Variants in ZNF12 observed in about 807,000 individuals in gnomAD.
ZNF12 encodes the protein gonadotropin inducible transcription repressor 3.
In ZNF12, 34 loss-of-function variants were observed where a neutral mutation model predicts 66.6. The observed-to-expected ratio is 0.51, with a 90% CI of 0.39 to 0.68. The LOEUF (loss-of-function observed/expected upper bound fraction) is 0.68, where lower values mean the gene tolerates loss of function less well. Among genes scored for constraint, ZNF12 ranks in the 30% least tolerant of loss-of-function variants. The pLI is 0.00. For missense variants in ZNF12, 697 were observed against 826.9 expected, an observed-to-expected ratio of 0.84 and a Z score of 1.93; for synonymous variants, 320 against 278.9, an observed-to-expected ratio of 1.15 and a Z score of -1.47.
At chr7:6,699,480 C>T (rs1356592617) in intron 2 of ZNF12, among the ~76,000 whole-genome samples, 5 of 152,194 alleles carry the variant, frequency 3.3e-5, no homozygotes, top group African/African-American at 1.2e-4. Flanking sequence ...AAGTGGGTCC[C>T]ACCCCAGCCA....
chr7:6,692,681 G>T lies in ZNF12; in HGVS notation c.261C>A (p.Asp87Glu). ...CCTCTTCCTGGATTCTCTCTATTAG[G>T]TCATCAGTTTGCCAGACTTCATCTA... ...SYPDEVWQTD[D>E]LIERIQEEEN... Residue 87 changes from aspartate (D) to glutamate (E), a missense_variant, in exon 5 of 5, where the codon GAC becomes GAA. Transcript: ENST00000405858. This position sits in a 1 kb window ranked among gnomAD's most constrained non-coding sequence, Gnocchi z 5.1. 1.3e-6 allele frequency: 2 copies of T among 1,583,646 alleles called. No individual in the cohort carries two copies. The highest frequency in any genetic ancestry group is 1.7e-6 in the Non-Finnish European group (2 of 1,168,348).
rs1312580619 is a variant in ZNF12 at position 6,696,688 on chromosome 7, G to A, written c.238+651C>T. 6.6e-6 allele frequency among the ~76,000 whole-genome samples: 1 copy of A among 152,114 alleles called. No homozygotes were observed. Among genetic ancestry groups the A allele is most frequent in the East Asian group, 1.9e-4 (1 of 5,194 alleles). ...CTTACTAAGCACCTGCCATGACAGGGTATCATTCAAGGCATTGGGAACAGA... is the reference window on the plus strand; with the variant it reads ...CTTACTAAGCACCTGCCATGACAGGATATCATTCAAGGCATTGGGAACAGA... On this transcript the variant is annotated intron_variant, in intron 4 of 4. Transcript: ENST00000405858. The surrounding 1 kb of genome is among the most constrained non-coding windows in gnomAD (Gnocchi z 4.0).
At position 6,692,056 on chromosome 7, in the gene ZNF12, G is replaced by T; in HGVS notation, c.886C>A (p.Pro296Thr). The T allele has an allele frequency of 6.2e-7, 1 of 1,613,716 alleles. No homozygotes were observed. The highest frequency in any genetic ancestry group is 8.5e-7 in the Non-Finnish European group (1 of 1,179,666). The change falls in exon 5 of 5, where the codon CCT becomes ACT. Residue 296 changes from proline (P) to threonine (T), a missense_variant. Transcript: ENST00000405858. This position sits in a 1 kb window ranked among gnomAD's most constrained non-coding sequence, Gnocchi z 5.1. Reference protein sequence around the residue: ...IHQRTHTGEKPYECNQCGKSF... With the variant: ...IHQRTHTGEKTYECNQCGKSF... Reference sequence around the variant, plus strand: ...TTCCCACACTGATTACATTCGTAAGGTTTCTCTCCTGTGTGAGTCCTCTGA... The same window carrying T: ...TTCCCACACTGATTACATTCGTAAGTTTTCTCTCCTGTGTGAGTCCTCTGA...
chr7:6,699,686 G>C lies in ZNF12; in HGVS notation c.16-1875C>G, dbSNP rs559033912. ...ACTTGTTTATTTCTTAGGAAAGTCA[G>C]CCTGGTTTCCTTTATTCAAGTGGTA... On this transcript the variant is annotated intron_variant, in intron 2 of 4. Coordinates refer to ENST00000405858, the MANE Select transcript of ZNF12 (RefSeq NM_016265.4). Among the ~76,000 whole-genome samples the C allele has an allele frequency of 5.3e-5, 8 of 152,328 alleles. No homozygotes were observed. The East Asian group carries it at 7.7e-4, about 15-fold the overall frequency.
Position 6,691,769 on chromosome 7 carries a change from C to T in ZNF12, c.1173G>A (p.Ser391=), listed in dbSNP as rs766619588. ...YVCHDCGKTF[S]QKSALNDHQK... The stretch of plus-strand genomic sequence containing the variant: ...GATGGTCATTAAGTGCTGACTTCTG[C>T]GAGAAGGTTTTCCCACAGTCATGAC... The change falls in exon 5 of 5, where the codon TCG becomes TCA. Residue 391 remains serine, a synonymous_variant. Coordinates refer to ENST00000405858, the MANE Select transcript of ZNF12 (RefSeq NM_016265.4). 22 of 1,613,660 alleles carry T rather than the reference C, an allele frequency of 1.4e-5. No individual in the cohort carries two copies. Among genetic ancestry groups the T allele is most frequent in the South Asian group, 4.4e-5 (4 of 91,068 alleles).
chr7:6,697,513 TTG>T lies in ZNF12; in HGVS notation c.143-81_143-80del. On this transcript the variant is annotated intron_variant, in intron 3 of 4. Coordinates refer to ENST00000405858, the MANE Select transcript of ZNF12 (RefSeq NM_016265.4). The surrounding 1 kb of genome is among the most constrained non-coding windows in gnomAD (Gnocchi z 6.1). ...CTCTGTCATACAGGGAAAATTCCAT[TTG>T]TGTCTTATCAAAATCAGAACTTTTC... 1 of 1,532,522 alleles carries T rather than the reference TTG, an allele frequency of 6.5e-7. No homozygotes were observed. Among genetic ancestry groups the T allele is most frequent in the Non-Finnish European group, 8.9e-7 (1 of 1,121,888 alleles). The allele number at this position is 1,532,522 out of a possible 1,614,324, so 94.9% of individuals were successfully genotyped here.
rs1003686598 is a variant in ZNF12, at chr7:6,705,108, G to C, written c.15+51C>G. ...CTTTGAACCCTTAATCTCCTCCTAA[G>C]GTGTATTGTAAATCAGAGTAGAGAA... On this transcript the variant is annotated intron_variant, in intron 2 of 4. Transcript: ENST00000405858. This position sits in a 1 kb window ranked among gnomAD's most constrained non-coding sequence, Gnocchi z 4.0. The C allele has an allele frequency of 3.1e-6, 5 of 1,600,940 alleles. No homozygotes were observed. The highest frequency in any genetic ancestry group is 4.3e-6 in the Non-Finnish European group (5 of 1,171,918).
At position 6,697,224 on chromosome 7, in the gene ZNF12, C is replaced by G. The variant is rs1272440346; in HGVS notation, c.238+115G>C. On this transcript the variant is annotated intron_variant, in intron 4 of 4. Coordinates refer to ENST00000405858, the MANE Select transcript of ZNF12 (RefSeq NM_016265.4). This position sits in a 1 kb window ranked among gnomAD's most constrained non-coding sequence, Gnocchi z 6.1. ...AGTCTTTGGGAGTGAGATTCAGGTT[C>G]ATAGAGCATATAAGCAACTATTTCT... The G allele has an allele frequency of 1.4e-6, 1 of 713,816 alleles. No homozygotes were observed. Among genetic ancestry groups the G allele is most frequent in the Non-Finnish European group, 2.3e-6 (1 of 440,826 alleles). The allele number at this position is 713,816 out of a possible 1,614,324, so 44.2% of individuals were successfully genotyped here.
chr7:6,701,443 G>A (rs1780241499), intron 2 of ZNF12, among the ~76,000 whole-genome samples: 1 of 152,174 alleles, frequency 6.6e-6, no homozygotes, highest in Non-Finnish European at 1.5e-5. Context: ...TGTCTGTGTG[G>A]TAGACTGGCT....
chr7:6,695,239 C>T (rs1780137011), intron 4 of ZNF12, among the ~76,000 whole-genome samples: 1 of 152,206 alleles, frequency 6.6e-6, no homozygotes, highest in Non-Finnish European at 1.5e-5. Context: ...CTAACCACAA[C>T]CTTTCTCCTA....
At chr7:6,706,326 C>T (rs1191156640) in intron 1 of ZNF12, 106 bp downstream of exon 1, 1 of 447,566 alleles carries the variant, frequency 2.2e-6, no homozygotes, top group Non-Finnish European at 4.5e-6. Context: ...ACACGTCACT[C>T]CTGCAAGCGA....
rs1288781893 is a variant in ZNF12, at chr7:6,689,336, C to G, written c.*1512G>C. The G allele has an allele frequency of 2.0e-5, 3 of 152,230 alleles. No individual in the cohort carries two copies. Among genetic ancestry groups the G allele is most frequent in the Non-Finnish European group, 4.4e-5 (3 of 68,058 alleles). 9.4% of individuals were successfully genotyped at this position (152,230 alleles called of 1,614,324 possible). A position where few individuals can be genotyped will look rare whatever the true frequency, so the allele number is the denominator to read the frequency against. On this transcript the variant is annotated 3_prime_UTR_variant, in exon 5 of 5. Coordinates refer to ENST00000405858, the MANE Select transcript of ZNF12 (RefSeq NM_016265.4). ...CCAGGCACCACATCCAGACAAGGTACTGTTCACCACAAGATTCCACTTCCC... is the reference window on the plus strand; with the variant it reads ...CCAGGCACCACATCCAGACAAGGTAGTGTTCACCACAAGATTCCACTTCCC...
At chr7:6,699,065 G>C (rs1780194430) in intron 2 of ZNF12, among the ~76,000 whole-genome samples, 1 of 152,164 alleles carries the variant, frequency 6.6e-6, no homozygotes, top group South Asian at 2.1e-4. Flanking sequence ...AAACACAGAA[G>C]TTTAAACAAC....
At position 6,692,152 on chromosome 7, in the gene ZNF12, T is replaced by C. The variant is rs1438623288; in HGVS notation, c.790A>G (p.Met264Val). The stretch of plus-strand genomic sequence containing the variant: ...CTGCATTCATAGGGCTTCATTTCCA[T>C]ATGAGATGTCTGATGTACAGTGAGG... ...SDLTVHQTSH[M>V]EMKPYECSEC... Residue 264 changes from methionine to valine, a missense_variant, in exon 5 of 5, where the codon ATG (methionine) becomes GTG (valine). Met to Val is a conservative substitution (Grantham distance 21, BLOSUM62 1). Around this residue, in one of 3 missense-constraint regions of ZNF12, gnomAD observed 241 missense variants for 224.0 expected, o/e 1.08. Coordinates refer to ENST00000405858, the MANE Select transcript of ZNF12 (RefSeq NM_016265.4). The surrounding 1 kb of genome is among the most constrained non-coding windows in gnomAD (Gnocchi z 5.1). 1 of 1,614,180 alleles carries C rather than the reference T, an allele frequency of 6.2e-7. No individual in the cohort carries two copies. The highest frequency in any genetic ancestry group is 1.3e-5 in the African/African-American group (1 of 75,070).
At position 6,689,734 on chromosome 7, in the gene ZNF12, C is replaced by G. The variant is rs1380906753; in HGVS notation, c.*1114G>C. The G allele has an allele frequency of 6.6e-6, 1 of 152,554 alleles. No homozygotes were observed. The highest frequency in any genetic ancestry group is 1.5e-5 in the Non-Finnish European group (1 of 68,030). 9.5% of individuals were successfully genotyped at this position (152,554 alleles called of 1,614,324 possible). ...ATGTTAGAAAGTCACTCGGCAATGTCTGCCACAGACCCTTGTTAGAATGTG... is the reference window on the plus strand; with the variant it reads ...ATGTTAGAAAGTCACTCGGCAATGTGTGCCACAGACCCTTGTTAGAATGTG... On this transcript the variant is annotated 3_prime_UTR_variant, in exon 5 of 5. Coordinates refer to ENST00000405858, the MANE Select transcript of ZNF12 (RefSeq NM_016265.4).
rs1780090897 is a variant in ZNF12 at position 6,692,608 on chromosome 7, C to T, written c.334G>A (p.Glu112Lys). 2 of 1,613,754 alleles carry T rather than the reference C, an allele frequency of 1.2e-6. No individual in the cohort carries two copies. The highest frequency in any genetic ancestry group is 1.7e-5 in the Admixed American group (1 of 59,988). ...QTVFIETLIE[E>K]RGNVPGKTFD... The stretch of plus-strand genomic sequence containing the variant: ...GTTTTACCAGGAACATTACCTCTCT[C>T]TTCAATCAGGGTCTCAATGAACACA... Residue 112 changes from glutamate (E) to lysine (K), a missense_variant, in exon 5 of 5, where the codon GAG becomes AAG. Coordinates refer to ENST00000405858, the MANE Select transcript of ZNF12 (RefSeq NM_016265.4). The surrounding 1 kb of genome is among the most constrained non-coding windows in gnomAD (Gnocchi z 5.1).
chr7:6,693,197 C>T (rs1238716418), intron 4 of ZNF12, among the ~76,000 whole-genome samples: 1 of 152,178 alleles, frequency 6.6e-6, no homozygotes, highest in African/African-American at 2.4e-5. Context: ...CAATTTAAGG[C>T]ATTAGCACTG....
In ZNF12 at chr7:6,705,108, G is replaced by A. The variant is rs1003686598; in HGVS notation, c.15+51C>T. 5 of 1,601,058 alleles carry A rather than the reference G, an allele frequency of 3.1e-6. No homozygotes were observed. In the East Asian group the frequency reaches 6.7e-5, roughly 22 times the overall value. ...CTTTGAACCCTTAATCTCCTCCTAA[G>A]GTGTATTGTAAATCAGAGTAGAGAA... On this transcript the variant is annotated intron_variant, in intron 2 of 4. Coordinates refer to ENST00000405858, the MANE Select transcript of ZNF12 (RefSeq NM_016265.4). This position sits in a 1 kb window ranked among gnomAD's most constrained non-coding sequence, Gnocchi z 4.0.
At position 6,697,384 on chromosome 7, in the gene ZNF12, C is replaced by T; in HGVS notation, c.193G>A (p.Glu65Lys). Reference protein sequence around the residue: ...DVISKLEQGEEPWIVEGEFLL... With the variant: ...DVISKLEQGEKPWIVEGEFLL... Reference sequence around the variant, plus strand: ...AATTCTCCTTCTACTATCCATGGCTCTTCTCCTTGCTCCAACTTGCTGATA... The same window carrying T: ...AATTCTCCTTCTACTATCCATGGCTTTTCTCCTTGCTCCAACTTGCTGATA... Residue 65 changes from glutamate to lysine, a missense_variant, in exon 4 of 5, where the codon GAG becomes AAG. Physicochemically the swap from Glu to Lys is moderately conservative, Grantham distance 56. This residue lies in a region of ZNF12 where 55 missense variants were observed against 83.9 expected (regional missense o/e 0.66). Transcript: ENST00000405858. This position sits in a 1 kb window ranked among gnomAD's most constrained non-coding sequence, Gnocchi z 6.1. 1 of 1,612,496 alleles carries T rather than the reference C, an allele frequency of 6.2e-7. No individual in the cohort carries two copies. The highest frequency in any genetic ancestry group is 8.5e-7 in the Non-Finnish European group (1 of 1,179,334).
Sources: allele counts gnomAD v4.1 joint callset (sites outside exome capture counted in the v4.1 genomes callset), GRCh38; gene constraint gnomAD v4.1.1; regional missense constraint gnomAD v4.1.1; non-coding constraint Gnocchi (gnomAD v3.1); transcripts MANE v1.5; gene names NCBI Gene and HGNC (gene_info 2026-07-23, HGNC 2026-07-21).